ARHGEF38: variants seen among roughly 807,000 people sequenced by gnomAD.
The protein encoded by ARHGEF38 is Rho guanine nucleotide exchange factor (GEF) 38.
A neutral mutation model predicts 79.9 loss-of-function variants in ARHGEF38; 79 were observed. The observed-to-expected ratio is 0.99, with a 90% confidence interval of 0.82 to 1.19. The LOEUF is 1.19. ARHGEF38 is among the 50% of genes most tolerant of loss of function. The pLI is 0.00. For synonymous variants in ARHGEF38, 366 were observed against 328.3 expected (o/e 1.11, Z -1.24); for missense variants, 962 against 907.2 (o/e 1.06, Z -0.78).
intron 1 of ARHGEF38, among the ~76,000 whole-genome samples, chr4:105,560,874 A>G (rs1471420299): frequency 6.6e-6 from 1 of 152,198 alleles, no homozygotes; most frequent in Non-Finnish European, 1.5e-5. Context: ...AAGCCATCAC[A>G]GATTTCTCCT....
At chr4:105,670,341 G>C (rs1369698856) in intron 13 of ARHGEF38, among the ~76,000 whole-genome samples, 1 of 152,146 alleles carries the variant, frequency 6.6e-6, no homozygotes, top group Non-Finnish European at 1.5e-5. Flanking sequence ...TTGTGGGTAT[G>C]AGGTGGTATC....
At position 105,585,726 on chromosome 4, in the gene ARHGEF38, C is replaced by CTTGTTTT. The variant is rs1727003415; in HGVS notation, c.197-3520_197-3519insGTTTTTT. ...TCTTTCCTAAATAGCCCCTCCGTTG[C>CTTGTTTT]TTTTTTTTTTTTTTTTTTTTTTTGA... is the stretch of plus-strand genomic sequence containing the variant. On this transcript the variant is annotated intron_variant, in intron 1 of 13. Transcript: ENST00000420470. 5.6e-5 allele frequency among the ~76,000 whole-genome samples: 4 copies of CTTGTTTT among 71,504 alleles called. 1 individual carries two copies. Among genetic ancestry groups the CTTGTTTT allele is most frequent in the Non-Finnish European group, 9.5e-5 (4 of 42,184 alleles). 46.9% of individuals were successfully genotyped at this position (71,504 alleles called of 152,430 possible).
intron 2 of ARHGEF38, among the ~76,000 whole-genome samples, chr4:105,599,544 CT>C (rs947641561): frequency 2.0e-5 from 3 of 151,948 alleles, no homozygotes; most frequent in Non-Finnish European, 2.9e-5. Flanking sequence ...TTTTAATTTG[CT>C]TTTTTTTGTG....
chr4:105,680,823 T>G lies in ARHGEF38; in HGVS notation c.*2886T>G, dbSNP rs1310435080. On this transcript the variant is annotated 3_prime_UTR_variant, in exon 14 of 14. Coordinates refer to ENST00000420470, the MANE Select transcript of ARHGEF38 (RefSeq NM_001242729.2). Reference sequence around the variant, plus strand: ...GAAATTAAAATAATTGCTTCTCTTCTCAACTCTATGTAGCACGTATTTTCC... The same window carrying G: ...GAAATTAAAATAATTGCTTCTCTTCGCAACTCTATGTAGCACGTATTTTCC... 1 of 152,238 alleles carries G rather than the reference T, an allele frequency of 6.6e-6. No individual in the cohort carries two copies. Among genetic ancestry groups the G allele is most frequent in the East Asian group, 1.9e-4 (1 of 5,200 alleles). 9.4% of individuals were successfully genotyped at this position (152,238 alleles called of 1,614,324 possible). A position where few individuals can be genotyped will look rare whatever the true frequency, so the allele number is the denominator to read the frequency against.
chr4:105,577,084 T>TA (rs772085044), intron 1 of ARHGEF38, among the ~76,000 whole-genome samples: 11 of 59,958 alleles, frequency 1.8e-4, no homozygotes, highest in African/African-American at 3.5e-4. Context: ...TCTTTTTTTT[T>TA]ACTTTCTTTC....
chr4:105,676,083 GT>G (rs2110588949), intron 13 of ARHGEF38, among the ~76,000 whole-genome samples: 1 of 152,274 alleles, frequency 6.6e-6, no homozygotes, highest in South Asian at 2.1e-4. Flanking sequence ...TTAAATAACA[GT>G]TTAATATTTA....
At chr4:105,629,327 C>T (rs568293303) in intron 3 of ARHGEF38, among the ~76,000 whole-genome samples, 9 of 152,232 alleles carry the variant, frequency 5.9e-5, no homozygotes, top group Middle Eastern at 3.4e-3. Flanking sequence ...CACCTCTAGA[C>T]AGGACTTCGG....
chr4:105,669,668 C>A (rs1266378293), intron 13 of ARHGEF38, among the ~76,000 whole-genome samples: 13 of 151,716 alleles, frequency 8.6e-5, no homozygotes, highest in African/African-American at 3.2e-4. Flanking sequence ...ACAATCATGA[C>A]TTTTAGTATA....
At chr4:105,599,099 T>C (rs933930854) in intron 2 of ARHGEF38, among the ~76,000 whole-genome samples, 6 of 152,210 alleles carry the variant, frequency 3.9e-5, no homozygotes, top group Admixed American at 1.3e-4. Context: ...GGTATGAAAG[T>C]GATACATCAA....
chr4:105,574,976 G>A (rs1307048577), intron 1 of ARHGEF38, among the ~76,000 whole-genome samples: 1 of 143,112 alleles, frequency 7.0e-6, no homozygotes, highest in African/African-American at 2.5e-5. Context: ...CATATATATA[G>A]CATATATATA....
chr4:105,615,049 TGAG>T (rs1019581704), intron 3 of ARHGEF38, among the ~76,000 whole-genome samples: 3 of 152,168 alleles, frequency 2.0e-5, no homozygotes, highest in African/African-American at 7.2e-5. Context: ...GGGTCCATGT[TGAG>T]GAGAAGATTC....
chr4:105,644,944 A>T (rs575003409), intron 5 of ARHGEF38, among the ~76,000 whole-genome samples: 66 of 152,316 alleles, frequency 4.3e-4, no homozygotes, highest in Non-Finnish European at 5.9e-4. Flanking sequence ...ATGGATGAAA[A>T]TCATGCTTTG....
intron 7 of ARHGEF38, among the ~76,000 whole-genome samples, chr4:105,650,514 T>C (rs370941470): frequency 1.3e-4 from 20 of 152,262 alleles, no homozygotes; most frequent in African/African-American, 4.8e-4. Context: ...CTCTTTACTC[T>C]GCCCCTGCCT....
intron 5 of ARHGEF38, among the ~76,000 whole-genome samples, chr4:105,639,947 G>A (rs1345498738): frequency 6.6e-6 from 1 of 152,000 alleles, no homozygotes; most frequent in African/African-American, 2.4e-5. Flanking sequence ...AAGAAAAATA[G>A]TAATCCCCTC....
At chr4:105,668,025 A>C (rs1042091222) in intron 13 of ARHGEF38, among the ~76,000 whole-genome samples, 1 of 152,158 alleles carries the variant, frequency 6.6e-6, no homozygotes, top group African/African-American at 2.4e-5. Context: ...CCTCCATCAA[A>C]GAAAAGTAGT....
chr4:105,644,607 T>C (rs2110538946), intron 5 of ARHGEF38, among the ~76,000 whole-genome samples: 1 of 152,376 alleles, frequency 6.6e-6, no homozygotes. Context: ...GTGATAGCAA[T>C]GATTAGTGAT....
rs1196453486 is a variant in ARHGEF38 at position 105,631,022 on chromosome 4, G to A, written c.633G>A (p.Leu211=). 3 of 1,613,692 alleles carry A rather than the reference G, an allele frequency of 1.9e-6. No individual in the cohort carries two copies. Among genetic ancestry groups the A allele is most frequent in the Middle Eastern group, 1.7e-4 (1 of 6,060 alleles). ...YEKEEELKEH[L]SHCIQSLKKI... is the part of the protein sequence containing the mutation. ...AGGAAGAAGAGCTGAAGGAACATTT[G>A]AGCCACTGTATCCAGTCCTTAAAGT... The change falls in exon 4 of 14, where the codon TTG becomes TTA. Residue 211 remains leucine, a synonymous_variant. Transcript: ENST00000420470.
chr4:105,653,301 G>T (rs1730183376), intron 7 of ARHGEF38, among the ~76,000 whole-genome samples: 2 of 151,114 alleles, frequency 1.3e-5, no homozygotes. Flanking sequence ...TCAAGTTTGA[G>T]TTGATAAAGA....
intron 3 of ARHGEF38, among the ~76,000 whole-genome samples, chr4:105,624,150 T>A (rs1728850586): frequency 6.6e-6 from 1 of 152,164 alleles, no homozygotes. Flanking sequence ...TATTACTGCA[T>A]CACCAGGGAC....
Sources: gnomAD v4.1 joint callset for allele counts (sites outside exome capture counted in the v4.1 genomes callset) on GRCh38, gnomAD v4.1.1 for gene constraint, MANE v1.5 for transcripts, NCBI Gene and HGNC (gene_info 2026-07-23, HGNC 2026-07-21) for gene names.